ZBBX: variants seen among roughly 807,000 people sequenced by gnomAD.
ZBBX encodes the protein zinc finger B-box domain-containing protein 1.
A neutral mutation model predicts 108.5 loss-of-function variants in ZBBX; 101 were observed. The ratio of observed to expected loss-of-function variants is 0.93; its 90% CI spans 0.79 to 1.10. The LOEUF (loss-of-function observed/expected upper bound fraction) is 1.10, where lower values mean the gene tolerates loss of function less well. ZBBX is among the 50% of genes least tolerant of loss of function. The pLI is 0.00. For missense variants in ZBBX, 1,009 were observed against 941.4 expected (o/e 1.07, Z -0.94); for synonymous variants, 356 against 323.4 (o/e 1.10, Z -1.08).
chr3:167,330,973 C>CTCTCT (rs1377045353), intron 10 of ZBBX, among the ~76,000 whole-genome samples: 1 of 148,988 alleles, frequency 6.7e-6, no homozygotes, highest in African/African-American at 2.5e-5. Context: ...CTCCCCCACT[C>CTCTCT]CCCTTCTGTA....
At position 167,246,797 on chromosome 3, in the gene ZBBX, A is replaced by C. The variant is rs561306925; in HGVS notation, c.2255-4154T>G. Among the ~76,000 whole-genome samples the C allele has an allele frequency of 8.9e-3, 1,352 of 152,364 alleles. 26 individuals are homozygous for C. The highest frequency in any genetic ancestry group is 0.031 in the African/African-American group (1,276 of 41,582). ...TATAAGTAAGTTATACCAATATGTT[A>C]AGCTCATCAAGGAAGTAGTTATAAT... On this transcript the variant is annotated intron_variant, in intron 20 of 21. Coordinates refer to ENST00000675490, the MANE Select transcript of ZBBX (RefSeq NM_001199201.2).
the ZBBX span, among the ~76,000 whole-genome samples, chr3:167,183,214 C>G: frequency 0.013 from 2,009 of 152,328 alleles, 22 homozygotes; most frequent in South Asian, 0.024. Flanking sequence ...CCTTCCTCCT[C>G]ATCATCAGTG....
At chr3:167,366,607 T>C (rs1201355640) in intron 5 of ZBBX, among the ~76,000 whole-genome samples, 2 of 151,862 alleles carry the variant, frequency 1.3e-5, no homozygotes, top group African/African-American at 2.4e-5. Flanking sequence ...ATAATTAAGA[T>C]TGGAGCACTA....
In ZBBX at chr3:167,256,288, G is replaced by T. The variant is rs190134084; in HGVS notation, c.2255-13645C>A. ...AAACATAAGAGGGCAGATATCTCTTGGATATATGGGTTTCTTTTTTTACTT... is the reference window on the plus strand; with the variant it reads ...AAACATAAGAGGGCAGATATCTCTTTGATATATGGGTTTCTTTTTTTACTT... On this transcript the variant is annotated intron_variant, in intron 20 of 21. Transcript: ENST00000675490. Among the ~76,000 whole-genome samples, 360 of 152,100 alleles carry T rather than the reference G, an allele frequency of 2.4e-3. 1 individual carries two copies. The highest frequency in any genetic ancestry group is 8.4e-3 in the African/African-American group (348 of 41,504).
chr3:167,382,326 T>A (rs931406964), upstream of ZBBX, among the ~76,000 whole-genome samples: 7 of 152,144 alleles, frequency 4.6e-5, no homozygotes, highest in South Asian at 1.2e-3. Flanking sequence ...AAATGAAACA[T>A]GTCAAAACAA....
At chr3:167,385,062 C>G (rs1244415903), upstream of ZBBX, among the ~76,000 whole-genome samples, 1 of 151,986 alleles carries the variant, frequency 6.6e-6, no homozygotes, top group African/African-American at 2.4e-5. Context: ...ACATTATTTT[C>G]ACTATAACCT....
the ZBBX span, among the ~76,000 whole-genome samples, chr3:167,223,478 G>T: frequency 6.6e-6 from 1 of 151,826 alleles, no homozygotes; most frequent in African/African-American, 2.4e-5. Context: ...AGTCTTAAAG[G>T]CTGAAATTTA....
intron 18 of ZBBX, among the ~76,000 whole-genome samples, chr3:167,291,317 G>C (rs968625077): frequency 6.6e-6 from 1 of 151,934 alleles, no homozygotes. Context: ...GAAAGGTTGG[G>C]TTACCGACAA....
the ZBBX span, among the ~76,000 whole-genome samples, chr3:167,214,742 A>T: frequency 6.6e-6 from 1 of 152,148 alleles, no homozygotes; most frequent in Non-Finnish European, 1.5e-5. Flanking sequence ...ACTTGGACAT[A>T]AAAAAATCCT....
At chr3:167,350,564 A>G (rs1290713891) in intron 8 of ZBBX, 49 bp from the exon 9 acceptor site, 3 of 1,334,044 alleles carry the variant, frequency 2.2e-6, no homozygotes, top group East Asian at 5.1e-5. Context: ...AAATAGTATG[A>G]TTTTTAGAAA....
the ZBBX span, among the ~76,000 whole-genome samples, chr3:167,228,329 T>C: frequency 1.3e-5 from 2 of 151,756 alleles, no homozygotes; most frequent in Admixed American, 6.6e-5. Context: ...CACCGCAAAG[T>C]GCTCTGCAGT....
intron 20 of ZBBX, among the ~76,000 whole-genome samples, chr3:167,268,325 T>G (rs986868419): frequency 2.0e-5 from 3 of 151,956 alleles, no homozygotes; most frequent in Non-Finnish European, 4.4e-5. Context: ...CATTCTCTTC[T>G]CGGGGGAAGA....
chr3:167,357,652 T>C (rs1743806947), intron 8 of ZBBX, among the ~76,000 whole-genome samples: 2 of 152,124 alleles, frequency 1.3e-5, no homozygotes, highest in African/African-American at 2.4e-5. Context: ...GGCACATACA[T>C]ACAAAGGAAT....
chr3:167,248,573 A>G (rs1161701201), intron 20 of ZBBX: 2 of 454,626 alleles, frequency 4.4e-6, no homozygotes, highest in Admixed American at 4.7e-5. Context: ...CACATTTGAG[A>G]CACTCTAAAC....
At position 167,315,776 on chromosome 3, in the gene ZBBX, T is replaced by C; in HGVS notation, c.1248A>G (p.Lys416=). 1 of 1,608,326 alleles carries C rather than the reference T, an allele frequency of 6.2e-7. No homozygotes were observed. The highest frequency in any genetic ancestry group is 8.5e-7 in the Non-Finnish European group (1 of 1,176,724). ...EAENIVPYKV[K]LADADSQRSC... ...TTCGTTGACTGTCTGCATCAGCTAA[T>C]TTAACTTTGTAAGGCACAATATTTT... The change falls in exon 15 of 22, where the codon AAA becomes AAG. Residue 416 remains lysine, a synonymous_variant. Coordinates refer to ENST00000675490, the MANE Select transcript of ZBBX (RefSeq NM_001199201.2).
intron 17 of ZBBX, among the ~76,000 whole-genome samples, chr3:167,302,413 G>A (rs1484938031): frequency 6.6e-6 from 1 of 151,744 alleles, no homozygotes; most frequent in Non-Finnish European, 1.5e-5. Context: ...TGTACATAAT[G>A]GTCCCCTTTA....
chr3:167,305,895 A>G lies in ZBBX; in HGVS notation c.1473T>C (p.Ser491=). ...DNIVDPDVYS[S]DIEKIEESTS... Reference sequence around the variant, plus strand: ...TGCTTTCCTCAATTTTTTCAATGTCAGAAGAATACACATCAGGATCCACGA... The same window carrying G: ...TGCTTTCCTCAATTTTTTCAATGTCGGAAGAATACACATCAGGATCCACGA... Residue 491 remains serine (S), a synonymous_variant, in exon 17 of 22, where the codon TCT becomes TCC. Coordinates refer to ENST00000675490, the MANE Select transcript of ZBBX (RefSeq NM_001199201.2). 1.2e-6 allele frequency: 2 copies of G among 1,606,558 alleles called. No homozygotes were observed. Among genetic ancestry groups the G allele is most frequent in the Non-Finnish European group, 1.7e-6 (2 of 1,177,312 alleles).
At chr3:167,178,836 A>G in the ZBBX span, among the ~76,000 whole-genome samples, 7 of 152,172 alleles carry the variant, frequency 4.6e-5, no homozygotes, top group African/African-American at 1.7e-4. Flanking sequence ...TTTAAAGTCA[A>G]TAATGCTAGA....
At position 167,314,025 on chromosome 3, in the gene ZBBX, A is replaced by G. The variant is rs375036699; in HGVS notation, c.1366T>C (p.Leu456=). 1.2e-6 allele frequency: 2 copies of G among 1,607,174 alleles called. No individual in the cohort carries two copies. Among genetic ancestry groups the G allele is most frequent in the African/African-American group, 2.7e-5 (2 of 74,816 alleles). ...HVFDKGKRDF[L]NLCLRNSSTY... ...GAGCTGTTTCTCAGACAAAGATTTAAGAAGTCTCTCTTTCCCTTATCGAAA... is the reference window on the plus strand; with the variant it reads ...GAGCTGTTTCTCAGACAAAGATTTAGGAAGTCTCTCTTTCCCTTATCGAAA... Residue 456 remains leucine (L), a synonymous_variant, in exon 16 of 22, where the codon TTA becomes CTA. Coordinates refer to ENST00000675490, the MANE Select transcript of ZBBX (RefSeq NM_001199201.2).
Sources: gnomAD v4.1 joint callset for allele counts (sites outside exome capture counted in the v4.1 genomes callset) on GRCh38, gnomAD v4.1.1 for gene constraint, MANE v1.5 for transcripts, NCBI Gene and HGNC (gene_info 2026-07-23, HGNC 2026-07-21) for gene names.